RMDN2: variants seen among roughly 807,000 people sequenced by gnomAD.
RMDN2 encodes the protein regulator of microtubule dynamics 2, also known as regulator of microtubule dynamics protein 2.
Under a neutral mutation model 52.8 loss-of-function variants are expected in RMDN2, and 61 were observed. The ratio of observed to expected loss-of-function variants is 1.16; its 90% confidence interval spans 0.94 to 1.43. The LOEUF is 1.43. Ranked by LOEUF, RMDN2 falls within the 40% of genes most tolerant of loss-of-function variation. RMDN2 has a pLI of 0.00. For synonymous variants in RMDN2, 180 were observed against 153.1 expected (o/e 1.18, Z -1.30); for missense variants, 592 against 475.3 (o/e 1.25, Z -2.28).
chr2:37,944,100 C>T (rs2124936089), intron 2 of RMDN2, among the ~76,000 whole-genome samples: 1 of 152,236 alleles, frequency 6.6e-6, no homozygotes, highest in African/African-American at 2.4e-5. Flanking sequence ...AACTGCACCA[C>T]CCAAGTTTTG....
chr2:38,006,331 A>G (rs1414160068), intron 10 of RMDN2, among the ~76,000 whole-genome samples: 1 of 152,190 alleles, frequency 6.6e-6, no homozygotes, highest in Non-Finnish European at 1.5e-5. Flanking sequence ...CTTCCTACCC[A>G]TGAGCATGGA....
intron 2 of RMDN2, among the ~76,000 whole-genome samples, chr2:37,932,407 G>A (rs538032591): frequency 6.6e-6 from 1 of 151,696 alleles, no homozygotes; most frequent in South Asian, 2.1e-4. Flanking sequence ...AGGATCCCAA[G>A]GCAGAAGAAT....
At chr2:37,990,518 CAAAAAA>C (rs397812186) in intron 6 of RMDN2, among the ~76,000 whole-genome samples, 1 of 37,582 alleles carries the variant, frequency 2.7e-5, no homozygotes, top group African/African-American at 9.7e-5. Flanking sequence ...GACTCCATCT[CAAAAAA>C]AAAAAAAAAA....
intron 2 of RMDN2, among the ~76,000 whole-genome samples, chr2:37,970,614 T>G (rs1671683427): frequency 6.6e-6 from 1 of 152,164 alleles, no homozygotes; most frequent in African/African-American, 2.4e-5. Context: ...CCTAATTATT[T>G]GGATATATGG....
intron 8 of RMDN2, among the ~76,000 whole-genome samples, chr2:37,999,886 G>C (rs1342624989): frequency 1.3e-5 from 2 of 152,120 alleles, no homozygotes; most frequent in African/African-American, 4.8e-5. Context: ...TTTCCTGTCT[G>C]AATGACCTGG....
chr2:38,041,401 T>G (rs1680939139), intron 10 of RMDN2, among the ~76,000 whole-genome samples: 2 of 151,242 alleles, frequency 1.3e-5, no homozygotes, highest in African/African-American at 4.9e-5. Context: ...ACAGTTTTAT[T>G]TCTTCTTTCC....
At chr2:37,951,915 G>C in intron 2 of RMDN2, 1 of 1,613,278 alleles carries the variant, frequency 6.2e-7, no homozygotes, top group Non-Finnish European at 8.5e-7. Context: ...AATTGCCAAT[G>C]ATATTCAACA....
chr2:37,956,459 A>G (rs1212629732), intron 2 of RMDN2, among the ~76,000 whole-genome samples: 7 of 152,058 alleles, frequency 4.6e-5, no homozygotes, highest in Admixed American at 6.6e-5. Context: ...AGGTTTATCA[A>G]TTTTGTTGAT....
At chr2:37,931,114 A>C (rs548963557) in intron 2 of RMDN2, among the ~76,000 whole-genome samples, 35 of 152,220 alleles carry the variant, frequency 2.3e-4, no homozygotes, top group Non-Finnish European at 4.6e-4. Context: ...ACCAGTCAAC[A>C]ACTTTTTGTT....
intron 10 of RMDN2, among the ~76,000 whole-genome samples, chr2:38,010,435 T>C (rs1043099941): frequency 1.3e-5 from 2 of 152,222 alleles, no homozygotes; most frequent in African/African-American, 4.8e-5. Context: ...CCAGCCTTGC[T>C]GCTGCCTTGC....
At chr2:38,048,487 G>T (rs538916185) in intron 10 of RMDN2, among the ~76,000 whole-genome samples, 23 of 152,318 alleles carry the variant, frequency 1.5e-4, no homozygotes, top group Admixed American at 3.9e-4. Context: ...CTCCAGAGAG[G>T]GGCACAGGAG....
chr2:38,009,497 C>T (rs971725740), intron 10 of RMDN2, among the ~76,000 whole-genome samples: 2 of 152,188 alleles, frequency 1.3e-5, no homozygotes, highest in African/African-American at 4.8e-5. Flanking sequence ...TCCAGTTGAT[C>T]AAATTGGCTA....
Position 38,042,998 on chromosome 2 carries a change from A to T in RMDN2, c.1714-23984A>T, listed in dbSNP as rs140305865. Among the ~76,000 whole-genome samples the T allele has an allele frequency of 2.9e-4, 44 of 152,292 alleles. 1 individual carries two copies. The East Asian group carries it at 5.4e-3, about 19-fold the overall frequency. On this transcript the variant is annotated intron_variant, in intron 10 of 10. Transcript: ENST00000234195. ...TCTATTGGATGGAGAATTCTATATC[A>T]TTTATATCAAGATGATTGCCAGTGC...
At chr2:37,958,563 T>C (rs1276752063) in intron 2 of RMDN2, among the ~76,000 whole-genome samples, 1 of 150,970 alleles carries the variant, frequency 6.6e-6, no homozygotes, top group African/African-American at 2.5e-5. Flanking sequence ...TTTCTAAATA[T>C]ACAATTATGA....
At chr2:38,006,080 G>C (rs1366671691) in intron 10 of RMDN2, among the ~76,000 whole-genome samples, 3 of 152,232 alleles carry the variant, frequency 2.0e-5, no homozygotes, top group African/African-American at 7.2e-5. Context: ...TTTGGTACCA[G>C]TACCATGCTG....
intron 10 of RMDN2, among the ~76,000 whole-genome samples, chr2:38,058,266 G>C (rs1014393902): frequency 6.6e-6 from 1 of 152,192 alleles, no homozygotes; most frequent in Non-Finnish European, 1.5e-5. Flanking sequence ...AAGGAGCCCA[G>C]GGTGGAAAAA....
chr2:38,035,777 C>A (rs1394102995), intron 10 of RMDN2: 1 of 152,152 alleles, frequency 6.6e-6, no homozygotes, highest in Non-Finnish European at 1.5e-5. Flanking sequence ...GCAGGAGCAT[C>A]TTCAACTTAG....
chr2:38,030,381 G>C (rs1680103480), intron 10 of RMDN2: 1 of 151,934 alleles, frequency 6.6e-6, no homozygotes, highest in Non-Finnish European at 1.5e-5. Context: ...TCAGTTCCCA[G>C]GCTGTTTTTT....
rs1168132763 is a variant in RMDN2 at position 37,964,170 on chromosome 2, T to G, written c.453-9870T>G. On this transcript the variant is annotated intron_variant, in intron 2 of 10. Transcript: ENST00000354545. ...CCTGCCGGGCGGAGGGGCTCCTCAC[T>G]TCTCAGACAGGGCAGCTGCCGGGCG... 2.7e-5 allele frequency among the ~76,000 whole-genome samples: 4 copies of G among 150,124 alleles called. No individual in the cohort carries two copies. The East Asian group carries it at 7.9e-4, about 30-fold the overall frequency.
Sources: gnomAD v4.1 joint callset for allele counts (sites outside exome capture counted in the v4.1 genomes callset) on GRCh38, gnomAD v4.1.1 for gene constraint, MANE v1.5 for transcripts, NCBI Gene and HGNC (gene_info 2026-07-23, HGNC 2026-07-21) for gene names.